PIAS2: variants seen among roughly 807,000 people sequenced by gnomAD.
PIAS2 encodes the protein E3 SUMO-protein ligase PIAS2.
Under a neutral mutation model 69.7 loss-of-function variants are expected in PIAS2, and 19 were observed. That is an observed-to-expected ratio of 0.27 (90% CI 0.19 to 0.40). The LOEUF (loss-of-function observed/expected upper bound fraction) is 0.40, where lower values mean the gene tolerates loss of function less well. PIAS2 is among the 10% of genes least tolerant of loss of function. PIAS2 has a pLI of 1.00. For missense variants in PIAS2, 624 were observed against 757.0 expected, an observed-to-expected ratio of 0.82 and a Z score of 2.06; for synonymous variants, 261 against 263.2, an observed-to-expected ratio of 0.99 and a Z score of 0.08.
chr18:46,850,749 T>C (rs1315515728), intron 5 of PIAS2, among the ~76,000 whole-genome samples: 1 of 152,196 alleles, frequency 6.6e-6, no homozygotes, highest in Non-Finnish European at 1.5e-5. Context: ...TGATGATAGC[T>C]ACCTAGACCC....
chr18:46,903,256 G>GA (rs2056148453), intron 1 of PIAS2, among the ~76,000 whole-genome samples: 1 of 151,034 alleles, frequency 6.6e-6, no homozygotes, highest in Non-Finnish European at 1.5e-5. Context: ...CCTTTAAAAG[G>GA]AAAAAAAGAC....
chr18:46,835,573 T>G (rs1430846137), intron 9 of PIAS2, among the ~76,000 whole-genome samples: 4 of 152,218 alleles, frequency 2.6e-5, no homozygotes, highest in Non-Finnish European at 4.4e-5. Flanking sequence ...ACTACAGGCA[T>G]GTACCACAGT....
At chr18:46,835,107 G>A (rs140225692) in intron 9 of PIAS2, among the ~76,000 whole-genome samples, 64 of 152,256 alleles carry the variant, frequency 4.2e-4, no homozygotes, top group African/African-American at 1.5e-3. Context: ...AAATATTAAT[G>A]TGCAAAGGGG....
At chr18:46,856,077 C>A (rs1264220747) in intron 3 of PIAS2, among the ~76,000 whole-genome samples, 2 of 125,478 alleles carry the variant, frequency 1.6e-5, no homozygotes, top group Admixed American at 2.1e-4. Flanking sequence ...GCGATCTTGG[C>A]TCACTGCAAG....
chr18:46,878,715 A>G lies in PIAS2; in HGVS notation c.499+11865T>C, dbSNP rs1008561551. On this transcript the variant is annotated intron_variant, in intron 2 of 13. Coordinates refer to ENST00000585916, the MANE Select transcript of PIAS2 (RefSeq NM_004671.5). ...GAAACCCCGTCTCTAATAAAAATAC[A>G]AAATTAGCCAGATATGGTGGCCCAT... Among the ~76,000 whole-genome samples the G allele has an allele frequency of 2.0e-5, 3 of 152,326 alleles. No individual in the cohort carries two copies. The South Asian group carries it at 6.2e-4, about 32-fold the overall frequency.
intron 2 of PIAS2, among the ~76,000 whole-genome samples, chr18:46,882,699 G>A (rs527334272): frequency 9.2e-5 from 14 of 152,132 alleles, no homozygotes; most frequent in Non-Finnish European, 1.8e-4. Flanking sequence ...AAAAAGTACT[G>A]GGTAAGTTAC....
At position 46,807,717 on chromosome 18, in the gene PIAS2, C is replaced by T. The variant is rs532729906; in HGVS notation, c.*4716G>A. The T allele has an allele frequency of 1.8e-4, 28 of 152,224 alleles. No homozygotes were observed. Among genetic ancestry groups the T allele is most frequent in the African/African-American group, 5.5e-4 (23 of 41,540 alleles). 9.4% of individuals were successfully genotyped at this position (152,224 alleles called of 1,614,324 possible). A position where few individuals can be genotyped will look rare whatever the true frequency, so the allele number is the denominator to read the frequency against. On this transcript the variant is annotated 3_prime_UTR_variant, in exon 14 of 14. Transcript: ENST00000585916. The stretch of plus-strand genomic sequence containing the variant: ...CGGCCCATGTCAGATATATTTAAAA[C>T]TAAGAAAGCTTGGGAAAATCTCTGC...
At chr18:46,834,949 T>C (rs751728186) in intron 9 of PIAS2, among the ~76,000 whole-genome samples, 6 of 152,240 alleles carry the variant, frequency 3.9e-5, no homozygotes, top group Admixed American at 6.5e-5. Context: ...TACATTCCCT[T>C]TGAGTATTTC....
At chr18:46,816,307 G>T in intron 12 of PIAS2, 1 of 949,838 alleles carries the variant, frequency 1.1e-6, no homozygotes, top group Non-Finnish European at 1.3e-6. Context: ...CTACTAACCA[G>T]TATGAATTTA....
In PIAS2 at chr18:46,844,142, G is replaced by GAA. The variant is rs34052557; in HGVS notation, c.968-17_968-16dup. The GAA allele has an allele frequency of 0.027, 25,754 of 950,018 alleles. 4 individuals are homozygous for GAA. Among genetic ancestry groups the GAA allele is most frequent in the Non-Finnish European group, 0.031 (20,781 of 673,576 alleles). The allele number at this position is 950,018 out of a possible 1,614,324, so 58.8% of individuals were successfully genotyped here. A position where few individuals can be genotyped will look rare whatever the true frequency, so the allele number is the denominator to read the frequency against. On this transcript the variant is annotated splice_polypyrimidine_tract_variant and intron_variant, in intron 7 of 13. Transcript: ENST00000585916. ...TTTTTCTTTAACTTTAAAAAGAAGA[G>GAA]AAAAAAAAAAATTTAAAAAAATTAA...
intron 2 of PIAS2, among the ~76,000 whole-genome samples, chr18:46,867,128 T>C (rs1010143620): frequency 4.6e-5 from 7 of 152,222 alleles, no homozygotes; most frequent in Non-Finnish European, 8.8e-5. Flanking sequence ...AGCTTAATGT[T>C]AGTAGTCTGT....
At chr18:46,901,909 A>G (rs999060523) in intron 1 of PIAS2, among the ~76,000 whole-genome samples, 1 of 152,244 alleles carries the variant, frequency 6.6e-6, no homozygotes, top group Non-Finnish European at 1.5e-5. Flanking sequence ...CACAGTACTA[A>G]AAGTTCTAGC....
At chr18:46,846,972 C>G (rs2046248533) in intron 5 of PIAS2, 131 bp from the exon 6 acceptor site, 7 of 701,926 alleles carry the variant, frequency 1.0e-5, no homozygotes, top group South Asian at 6.0e-5. Context: ...ATCATATAGC[C>G]CTTATGATCA....
In PIAS2 at chr18:46,815,347, A is replaced by T; in HGVS notation, c.1651T>A (p.Leu551Met). ...ISSMSSDLPG[L>M]DFLSLIPVDP... ...ACTGGAATAAGGGAAAGAAAATCCAAACCTAAAACAAAAATGCTTTGTTAA... is the reference window on the plus strand; with the variant it reads ...ACTGGAATAAGGGAAAGAAAATCCATACCTAAAACAAAAATGCTTTGTTAA... The change falls in exon 13 of 14, where the codon TTG becomes ATG. Residue 551 changes from leucine to methionine, a missense_variant and splice_region_variant. Around this residue, in one of 3 missense-constraint regions of PIAS2, gnomAD observed 241 missense variants for 257.3 expected, o/e 0.94. Transcript: ENST00000585916. 6.2e-7 allele frequency: 1 copy of T among 1,612,112 alleles called. No homozygotes were observed. The highest frequency in any genetic ancestry group is 8.5e-7 in the Non-Finnish European group (1 of 1,178,630).
chr18:46,917,639 G>A (rs2146411757), upstream of PIAS2: 3 of 817,466 alleles, frequency 3.7e-6, no homozygotes, highest in Non-Finnish European at 4.5e-6. Context: ...CGCCTGCCCC[G>A]GCGTGCTGCC....
chr18:46,873,825 A>G (rs2050740206), intron 2 of PIAS2, among the ~76,000 whole-genome samples: 2 of 152,204 alleles, frequency 1.3e-5, no homozygotes. Flanking sequence ...CAGACCAAAT[A>G]GCCAAACAAG....
At chr18:46,888,453 T>G (rs899050969) in intron 2 of PIAS2, among the ~76,000 whole-genome samples, 7 of 151,994 alleles carry the variant, frequency 4.6e-5, no homozygotes, top group African/African-American at 1.7e-4. Flanking sequence ...TCTTACAAAA[T>G]AATTAAAGCT....
At chr18:46,856,975 T>C (rs1433986126) in intron 3 of PIAS2, among the ~76,000 whole-genome samples, 1 of 152,228 alleles carries the variant, frequency 6.6e-6, no homozygotes, top group Non-Finnish European at 1.5e-5. Context: ...CCTCAGTTTC[T>C]ACATCTGTTA....
intron 2 of PIAS2, among the ~76,000 whole-genome samples, chr18:46,871,334 A>G (rs1407424774): frequency 1.3e-5 from 2 of 152,116 alleles, no homozygotes; most frequent in East Asian, 3.9e-4. Flanking sequence ...CAGACCCCAC[A>G]CCCCTAAACA....
Sources: allele counts gnomAD v4.1 joint callset (sites outside exome capture counted in the v4.1 genomes callset), GRCh38; gene constraint gnomAD v4.1.1; regional missense constraint gnomAD v4.1.1; transcripts MANE v1.5; gene names NCBI Gene and HGNC (gene_info 2026-07-23, HGNC 2026-07-21).